The following TRPM8 variants were observed in gnomAD, a reference collection of about 807,000 sequenced individuals.
TRPM8 encodes TRPM8 cationic channel.
Under a neutral mutation model 133.7 loss-of-function variants are expected in TRPM8, and 110 were observed. The observed-to-expected ratio is 0.82, with a 90% CI of 0.70 to 0.96. The LOEUF is 0.96. TRPM8 is among the 40% of genes least tolerant of loss of function. The pLI, the probability that TRPM8 is intolerant of heterozygous loss-of-function variation, is 0.00. For missense variants in TRPM8, 1,291 were observed against 1,379.5 expected (o/e 0.94, Z 1.02); for synonymous variants, 535 against 532.3 (o/e 1.01, Z -0.07).
At chr2:234,016,187 C>G (rs1243854249) in intron 25 of TRPM8, among the ~76,000 whole-genome samples, 1 of 151,960 alleles carries the variant, frequency 6.6e-6, no homozygotes, top group African/African-American at 2.4e-5. Context: ...AAGGACATCA[C>G]TTATTTTGTG....
chr2:233,939,222 C>T (rs1457383921), intron 5 of TRPM8, 47 bp downstream of exon 5: 1 of 1,599,942 alleles, frequency 6.3e-7, no homozygotes, highest in African/African-American at 1.3e-5. Context: ...CGGGCTGCAC[C>T]AAGTTTGGGG....
chr2:233,981,853 T>C lies in TRPM8; in HGVS notation c.2527T>C (p.Leu843=), dbSNP rs759786101. The C allele has an allele frequency of 5.6e-6, 9 of 1,613,984 alleles. No individual in the cohort carries two copies. The South Asian group carries it at 8.8e-5, about 16-fold the overall frequency. Reference sequence around the variant, plus strand: ...GGACTACATTATTTTCACTCTAAGATTGATCCACATTTTTACTGTAAGCAG... The same window carrying C: ...GGACTACATTATTTTCACTCTAAGACTGATCCACATTTTTACTGTAAGCAG... ...CLDYIIFTLR[L]IHIFTVSRNL... Residue 843 remains leucine (L), a synonymous_variant, in exon 19 of 26, where the codon TTG becomes CTG. Coordinates refer to ENST00000324695, the MANE Select transcript of TRPM8 (RefSeq NM_024080.5).
rs1216727681 is a variant in TRPM8 at position 234,017,863 on chromosome 2, C to T, written c.*607C>T. 1 of 152,648 alleles carries T rather than the reference C, an allele frequency of 6.6e-6. No homozygotes were observed. Among genetic ancestry groups the T allele is most frequent in the Non-Finnish European group, 1.5e-5 (1 of 68,438 alleles). 9.5% of individuals were successfully genotyped at this position (152,648 alleles called of 1,614,324 possible). ...GAGGAGGTGACAAGGCAGTCTCTTGCTCTCTTGGACTCACCAGGCTCCTAT... is the reference window on the plus strand; with the variant it reads ...GAGGAGGTGACAAGGCAGTCTCTTGTTCTCTTGGACTCACCAGGCTCCTAT... On this transcript the variant is annotated 3_prime_UTR_variant, in exon 26 of 26. Transcript: ENST00000324695.
At chr2:233,940,083 C>A (rs1690867827) in intron 5 of TRPM8, among the ~76,000 whole-genome samples, 1 of 132,818 alleles carries the variant, frequency 7.5e-6, no homozygotes, top group Non-Finnish European at 1.6e-5. Flanking sequence ...GGAACTGGTT[C>A]TTAGCCTTTC....
At chr2:233,961,906 G>C (rs1275306204) in intron 12 of TRPM8, among the ~76,000 whole-genome samples, 1 of 152,204 alleles carries the variant, frequency 6.6e-6, no homozygotes, top group Non-Finnish European at 1.5e-5. Context: ...TGGGATTACA[G>C]GCGTGAACCA....
At chr2:234,014,193 A>C (rs145780695) in intron 24 of TRPM8, among the ~76,000 whole-genome samples, 1 of 152,168 alleles carries the variant, frequency 6.6e-6, no homozygotes, top group East Asian at 1.9e-4. Context: ...CCAAAGCAAA[A>C]CTTAATTAGT....
chr2:233,998,785 G>GCC (rs1487889892), intron 22 of TRPM8, among the ~76,000 whole-genome samples: 1 of 152,098 alleles, frequency 6.6e-6, no homozygotes, highest in Non-Finnish European at 1.5e-5. Context: ...CTGTTAAGGT[G>GCC]AGCAGATTCT....
chr2:233,933,883 A>G (rs1691729933), intron 3 of TRPM8: 1 of 167,120 alleles, frequency 6.0e-6, no homozygotes, highest in Admixed American at 6.5e-5. Context: ...GAGGGCTAAG[A>G]ACATTGTGCT....
At chr2:233,974,979 A>G (rs112779403) in intron 17 of TRPM8, among the ~76,000 whole-genome samples, 6 of 152,272 alleles carry the variant, frequency 3.9e-5, no homozygotes, top group African/African-American at 1.4e-4. Flanking sequence ...ATAGTAACTT[A>G]CTGAATTTTT....
intron 1 of TRPM8, among the ~76,000 whole-genome samples, chr2:233,922,084 C>T (rs1691423557): frequency 6.9e-6 from 1 of 144,200 alleles, no homozygotes; most frequent in African/African-American, 2.8e-5. Context: ...AGGTTACAGT[C>T]GCAAGGGTCT....
At chr2:233,948,484 A>C (rs1691096642) in intron 8 of TRPM8, among the ~76,000 whole-genome samples, 2 of 152,374 alleles carry the variant, frequency 1.3e-5, no homozygotes, top group Admixed American at 1.3e-4. Flanking sequence ...AATGGCTCAA[A>C]TCTGCAAAAG....
Position 233,927,942 on chromosome 2 carries a change from C to CTT in TRPM8, c.117+1289_117+1290insTT, listed in dbSNP as rs1691596972. On this transcript the variant is annotated intron_variant, in intron 2 of 25. Coordinates refer to ENST00000324695, the MANE Select transcript of TRPM8 (RefSeq NM_024080.5). ...TCTCTCTTTCTCTCTCTCTCTCTCT[C>CTT]TCTCTCTCTCTCTCTCTCTTTCTTT... is the stretch of plus-strand genomic sequence containing the variant. 2.7e-4 allele frequency among the ~76,000 whole-genome samples: 20 copies of CTT among 73,592 alleles called. 4 individuals are homozygous for CTT. Among genetic ancestry groups the CTT allele is most frequent in the African/African-American group, 1.4e-3 (15 of 10,354 alleles). 48.3% of individuals were successfully genotyped at this position (73,592 alleles called of 152,430 possible). A position where few individuals can be genotyped will look rare whatever the true frequency, so the allele number is the denominator to read the frequency against.
chr2:233,926,847 C>A (rs1448714437), intron 2 of TRPM8, among the ~76,000 whole-genome samples, 193 bp downstream of exon 2: 1 of 152,142 alleles, frequency 6.6e-6, no homozygotes, highest in Non-Finnish European at 1.5e-5. Context: ...GCTCTATGGC[C>A]AGGGTCTCAG....
At chr2:233,954,852 T>C (rs538329196) in intron 10 of TRPM8, among the ~76,000 whole-genome samples, 3 of 152,316 alleles carry the variant, frequency 2.0e-5, no homozygotes, top group African/African-American at 7.2e-5. Context: ...AATCTGAATC[T>C]ATGGAAAAAA....
intron 22 of TRPM8, among the ~76,000 whole-genome samples, chr2:234,005,417 GCTGT>G (rs1692668590): frequency 2.0e-5 from 3 of 152,028 alleles, no homozygotes; most frequent in Admixed American, 2.0e-4. Context: ...TTGCTCTCTG[GCTGT>G]CTGTGTCCAG....
chr2:234,004,545 G>A (rs925055952), intron 22 of TRPM8, among the ~76,000 whole-genome samples: 4 of 152,188 alleles, frequency 2.6e-5, no homozygotes, highest in African/African-American at 2.4e-5. Context: ...AGAAAAATGC[G>A]AGATTTTTCA....
intron 15 of TRPM8, among the ~76,000 whole-genome samples, chr2:233,967,968 ATTCAT>A (rs1221972725): frequency 1.3e-5 from 2 of 152,102 alleles, no homozygotes; most frequent in Non-Finnish European, 2.9e-5. Flanking sequence ...ATGCCAGGTC[ATTCAT>A]TTCACTGAAA....
At position 233,945,972 on chromosome 2, in the gene TRPM8, T is replaced by A; in HGVS notation, c.816T>A (p.Thr272=). The change falls in exon 7 of 26, where the codon ACT becomes ACA. Residue 272 remains threonine (T), a synonymous_variant. Transcript: ENST00000324695. ...LVDNGCHGHP[T]VEAKLRNQLE... is the part of the protein sequence containing the mutation. Reference sequence around the variant, plus strand: ...ACAATGGCTGTCATGGACATCCCACTGTCGAAGCAAAGCTCCGGAATCAGC... The same window carrying A: ...ACAATGGCTGTCATGGACATCCCACAGTCGAAGCAAAGCTCCGGAATCAGC... 1.2e-6 allele frequency: 2 copies of A among 1,614,172 alleles called. No homozygotes were observed. Among genetic ancestry groups the A allele is most frequent in the Non-Finnish European group, 1.7e-6 (2 of 1,180,002 alleles).
chr2:233,931,083 C>T (rs1691670686), intron 3 of TRPM8, among the ~76,000 whole-genome samples: 1 of 152,038 alleles, frequency 6.6e-6, no homozygotes, highest in Non-Finnish European at 1.5e-5. Flanking sequence ...TGCATGTGTA[C>T]ATATGTCCAT....
Sources: allele counts gnomAD v4.1 joint callset (sites outside exome capture counted in the v4.1 genomes callset), GRCh38; gene constraint gnomAD v4.1.1; transcripts MANE v1.5; gene names NCBI Gene and HGNC (gene_info 2026-07-23, HGNC 2026-07-21).